The following NRXN1 variants were observed in gnomAD, a reference collection of about 807,000 sequenced individuals.
NRXN1 encodes neurexin-1.
A neutral mutation model predicts 150.9 loss-of-function variants in NRXN1; 39 were observed. The observed-to-expected ratio is 0.26, with a 90% CI of 0.20 to 0.34. The LOEUF (loss-of-function observed/expected upper bound fraction) is 0.34. NRXN1 is among the 10% of genes least tolerant of loss of function. The probability of loss-of-function intolerance (pLI) is 1.00; values close to 1 mark genes in which losing one functional copy is unlikely to be tolerated. For missense variants in NRXN1, 1,815 were observed against 1,949.9 expected, an observed-to-expected ratio of 0.93 and a Z score of 1.30; for synonymous variants, 924 against 757.0, an observed-to-expected ratio of 1.22 and a Z score of -3.62.
chr2:50,463,397 C>A lies in NRXN1; in HGVS notation c.3364+2045G>T, dbSNP rs186636072. 1.9e-4 allele frequency among the ~76,000 whole-genome samples: 29 copies of A among 151,846 alleles called. 1 individual carries two copies. The East Asian group carries it at 5.6e-3, about 29-fold the overall frequency. On this transcript the variant is annotated intron_variant, in intron 17 of 22. Transcript: ENST00000401669. ...AAACTCCAACGTATAAGCCAAGGAA[C>A]CATTTCACATTTTCAGAAAACCCAC... is the stretch of plus-strand genomic sequence containing the variant.
intron 21 of NRXN1, among the ~76,000 whole-genome samples, chr2:50,025,570 C>A (rs1688160879): frequency 6.6e-6 from 1 of 152,108 alleles, no homozygotes; most frequent in Non-Finnish European, 1.5e-5. Context: ...AAATCAGGAC[C>A]AGAGCGTATG....
intron 17 of NRXN1, among the ~76,000 whole-genome samples, chr2:50,380,276 ATG>A (rs61041420): frequency 1.5e-3 from 227 of 149,588 alleles, no homozygotes; most frequent in East Asian, 0.012. Context: ...ATGACCACAT[ATG>A]TGTGTGTGTG....
intron 19 of NRXN1, among the ~76,000 whole-genome samples, chr2:50,059,473 G>C (rs751490391): frequency 9.2e-5 from 14 of 152,166 alleles, no homozygotes; most frequent in Admixed American, 3.3e-4. Flanking sequence ...TTTTCAGCCT[G>C]ACAATGCAAT....
intron 1 of NRXN1, among the ~76,000 whole-genome samples, chr2:51,031,260 A>C (rs976617835): frequency 1.3e-5 from 2 of 152,080 alleles, no homozygotes; most frequent in Non-Finnish European, 1.5e-5. Context: ...CCAAAAGAAG[A>C]AGCGCTCTAA....
intron 19 of NRXN1, among the ~76,000 whole-genome samples, chr2:50,090,762 G>T (rs1699448793): frequency 6.6e-6 from 1 of 151,942 alleles, no homozygotes; most frequent in Non-Finnish European, 1.5e-5. Flanking sequence ...AAACTCTATG[G>T]TTATATGAAA....
rs758265489 is a variant in NRXN1, at chr2:50,481,760, CTTTTTTTTT to C, written c.3071-9298_3071-9290del. ...CTTTCAATATTCTGAACTTTTGTTTCTTTTTTTTTTTTTTTTTTTTTTTGAGACGGAGTC... is the reference window on the plus strand; with the variant it reads ...CTTTCAATATTCTGAACTTTTGTTTCTTTTTTTTTTTTTTGAGACGGAGTC... On this transcript the variant is annotated intron_variant, in intron 15 of 22. Transcript: ENST00000401669. 6.0e-5 allele frequency among the ~76,000 whole-genome samples: 5 copies of C among 82,960 alleles called. No homozygotes were observed. The Admixed American group carries it at 9.2e-4, about 15-fold the overall frequency. The allele number at this position is 82,960 out of a possible 152,430, so 54.4% of individuals were successfully genotyped here. A position where few individuals can be genotyped will look rare whatever the true frequency, so the allele number is the denominator to read the frequency against.
At chr2:50,250,785 C>A (rs1007944396) in intron 17 of NRXN1, among the ~76,000 whole-genome samples, 1 of 151,630 alleles carries the variant, frequency 6.6e-6, no homozygotes, top group Non-Finnish European at 1.5e-5. Context: ...AATCATTTCT[C>A]ATTTTTTCAA....
chr2:50,144,049 C>T (rs183166071), intron 18 of NRXN1, among the ~76,000 whole-genome samples: 1 of 151,862 alleles, frequency 6.6e-6, no homozygotes, highest in African/African-American at 2.4e-5. Context: ...TTGGTTTCTT[C>T]AGTAAGAAAT....
intron 5 of NRXN1, among the ~76,000 whole-genome samples, chr2:50,752,191 G>C (rs1700667826): frequency 6.6e-6 from 1 of 151,918 alleles, no homozygotes; most frequent in Non-Finnish European, 1.5e-5. Flanking sequence ...GTGGGTAAAA[G>C]AGCATCTAGT....
At chr2:50,986,401 TA>T (rs1428268218) in intron 2 of NRXN1, among the ~76,000 whole-genome samples, 1 of 151,738 alleles carries the variant, frequency 6.6e-6, no homozygotes, top group Non-Finnish European at 1.5e-5. Flanking sequence ...ACTGCAACAT[TA>T]TTTTTTATAG....
chr2:50,764,789 G>A (rs1238512339), intron 5 of NRXN1, among the ~76,000 whole-genome samples: 6 of 151,936 alleles, frequency 3.9e-5, no homozygotes, highest in Non-Finnish European at 7.4e-5. Context: ...ATCTACCCAC[G>A]CAACAAAGGA....
chr2:50,828,871 G>A (rs1323950272), intron 5 of NRXN1, among the ~76,000 whole-genome samples: 2 of 152,196 alleles, frequency 1.3e-5, no homozygotes, highest in Non-Finnish European at 2.9e-5. Context: ...GGGAGGCCAA[G>A]GCAGGCGGCT....
chr2:50,816,770 G>A (rs936316664), intron 5 of NRXN1, among the ~76,000 whole-genome samples: 6 of 152,068 alleles, frequency 3.9e-5, no homozygotes, highest in East Asian at 1.9e-4. Flanking sequence ...TGTATCCTAC[G>A]GAGAGCCTGA....
intron 21 of NRXN1, among the ~76,000 whole-genome samples, chr2:50,000,725 G>A (rs777095745): frequency 1.3e-5 from 2 of 152,134 alleles, no homozygotes; most frequent in Non-Finnish European, 2.9e-5. Context: ...GGTGAAAAGT[G>A]TACAAAGGGT....
Position 50,022,328 on chromosome 2 carries a change from C to T in NRXN1, c.4128+30943G>A, listed in dbSNP as rs573698829. ...GATAAATATTTATTCCTTATTGTTCCAGTCCTGGATATTAACTTCTAGAAT... is the reference window on the plus strand; with the variant it reads ...GATAAATATTTATTCCTTATTGTTCTAGTCCTGGATATTAACTTCTAGAAT... On this transcript the variant is annotated intron_variant, in intron 21 of 22. Transcript: ENST00000401669. Among the ~76,000 whole-genome samples, 4 of 152,268 alleles carry T rather than the reference C, an allele frequency of 2.6e-5. No homozygotes were observed. In the South Asian group the frequency reaches 6.2e-4, roughly 24 times the overall value.
intron 5 of NRXN1, among the ~76,000 whole-genome samples, chr2:50,762,142 C>T (rs1236856197): frequency 6.6e-6 from 1 of 151,500 alleles, no homozygotes; most frequent in African/African-American, 2.4e-5. Context: ...CACACACACA[C>T]ACACACACAC....
chr2:50,796,757 T>C (rs1264129634), intron 5 of NRXN1, among the ~76,000 whole-genome samples: 1 of 152,172 alleles, frequency 6.6e-6, no homozygotes, highest in Non-Finnish European at 1.5e-5. Context: ...TTCATAACAA[T>C]CCCATAAATT....
At chr2:50,039,637 G>T (rs1388534966) in intron 21 of NRXN1, among the ~76,000 whole-genome samples, 1 of 152,100 alleles carries the variant, frequency 6.6e-6, no homozygotes, top group African/African-American at 2.4e-5. Context: ...AGTCCAGACT[G>T]GTGCTAAAGA....
At chr2:50,075,467 G>A (rs954699989) in intron 19 of NRXN1, among the ~76,000 whole-genome samples, 18 of 152,220 alleles carry the variant, frequency 1.2e-4, no homozygotes, top group African/African-American at 4.1e-4. Context: ...GGAATAAACT[G>A]AACACCTTAT....
Sources: allele counts gnomAD v4.1 joint callset (sites outside exome capture counted in the v4.1 genomes callset), GRCh38; gene constraint gnomAD v4.1.1; transcripts MANE v1.5; gene names NCBI Gene and HGNC (gene_info 2026-07-23, HGNC 2026-07-21).